The following POLB variants were observed in gnomAD, a reference collection of about 807,000 sequenced individuals.
The protein encoded by POLB is 5'-dRP lyase.
A neutral mutation model predicts 52.7 loss-of-function variants in POLB; 37 were observed. That is an observed-to-expected ratio of 0.70 (90% CI 0.54 to 0.92). The LOEUF is 0.92. Among genes scored for constraint, POLB ranks in the 40% least tolerant of loss-of-function variants. POLB has a pLI of 0.00. For missense variants in POLB, 313 were observed against 400.8 expected, an observed-to-expected ratio of 0.78 and a Z score of 1.87; for synonymous variants, 138 against 131.3, an observed-to-expected ratio of 1.05 and a Z score of -0.35.
At chr8:42,353,480 A>C (rs1386548020) in intron 6 of POLB, among the ~76,000 whole-genome samples, 3 of 152,188 alleles carry the variant, frequency 2.0e-5, no homozygotes, top group African/African-American at 7.2e-5. Context: ...TTACTGAAAA[A>C]GATTCTGTAA....
intron 4 of POLB, 38 bp from the exon 5 acceptor site, chr8:42,349,969 A>C (rs1264312591): frequency 8.0e-6 from 11 of 1,368,848 alleles, no homozygotes; most frequent in Non-Finnish European, 1.1e-5. Flanking sequence ...TCCTCAAAGC[A>C]TTCCTAAATC....
At chr8:42,360,811 T>A (rs1823628915) in intron 9 of POLB, among the ~76,000 whole-genome samples, 1 of 151,898 alleles carries the variant, frequency 6.6e-6, no homozygotes. Context: ...CTCAAACTCC[T>A]GGGCTCAGCG....
At chr8:42,349,133 C>A in intron 4 of POLB, 43 bp downstream of exon 4, 2 of 1,093,542 alleles carry the variant, frequency 1.8e-6, no homozygotes, top group South Asian at 1.3e-5. Context: ...TAGTATCTGC[C>A]TTTATGGCCA....
At chr8:42,368,389 C>A (rs1824171790) in intron 11 of POLB, among the ~76,000 whole-genome samples, 1 of 152,126 alleles carries the variant, frequency 6.6e-6, no homozygotes, top group Non-Finnish European at 1.5e-5. Context: ...TTTAATTTTT[C>A]TATTTTGCTG....
chr8:42,357,293 A>C (rs1823377452), intron 8 of POLB, 27 bp from the exon 9 acceptor site: 5 of 1,443,600 alleles, frequency 3.5e-6, no homozygotes, highest in Non-Finnish European at 4.9e-6. Context: ...CATTTTGGGA[A>C]TACTGACTTA....
intron 4 of POLB, among the ~76,000 whole-genome samples, 195 bp from the exon 5 acceptor site, chr8:42,349,812 A>C (rs963151163): frequency 3.3e-5 from 5 of 152,224 alleles, no homozygotes; most frequent in Admixed American, 6.5e-5. Context: ...TGGATAACTT[A>C]GAGATGAGAC....
At chr8:42,350,434 G>A (rs921263236) in intron 5 of POLB, among the ~76,000 whole-genome samples, 6 of 152,004 alleles carry the variant, frequency 3.9e-5, no homozygotes, top group African/African-American at 1.5e-4. Context: ...TTTGGAACAA[G>A]CCCTCAAGCT....
intron 5 of POLB, among the ~76,000 whole-genome samples, chr8:42,351,599 T>G (rs1822982394): frequency 6.6e-6 from 1 of 152,242 alleles, no homozygotes; most frequent in Non-Finnish European, 1.5e-5. Flanking sequence ...TAGGTTTCAG[T>G]GTCCTTCCTT....
At chr8:42,370,122 G>T (rs781361244) in intron 13 of POLB, 134 bp downstream of exon 13, 39 of 743,796 alleles carry the variant, frequency 5.2e-5, no homozygotes, top group East Asian at 4.3e-4. Context: ...AGTCCTTCAG[G>T]CAACGAGAGA....
intron 9 of POLB, 35 bp downstream of exon 9, chr8:42,357,427 C>T: frequency 8.4e-7 from 1 of 1,193,492 alleles, no homozygotes; most frequent in Non-Finnish European, 1.2e-6. Flanking sequence ...TATTTTTGCC[C>T]TGATGTTAAA....
At chr8:42,361,617 T>C (rs1254827360) in intron 10 of POLB, 9 of 418,208 alleles carry the variant, frequency 2.2e-5, no homozygotes, top group Admixed American at 4.1e-5. Flanking sequence ...TTTAGAACGA[T>C]TTACTGTCTG....
intron 2 of POLB, chr8:42,342,252 A>G (rs1822248542): frequency 1.3e-6 from 2 of 1,546,160 alleles, no homozygotes; most frequent in Admixed American, 1.7e-5. Flanking sequence ...ACATTGTATT[A>G]TCGCCAGTCA....
rs938290972 is a variant in POLB, at chr8:42,353,332, C to T, written c.370+764C>T. 3.3e-5 allele frequency among the ~76,000 whole-genome samples: 5 copies of T among 151,792 alleles called. No individual in the cohort carries two copies. In the South Asian group the frequency reaches 8.3e-4, roughly 25 times the overall value. On this transcript the variant is annotated intron_variant, in intron 6 of 13. Transcript: ENST00000265421. The stretch of plus-strand genomic sequence containing the variant: ...TTCACTGTGTTAGCCAGGATGGTCT[C>T]GGTCTGACCTTGTGATCTGCCCACC...
chr8:42,359,033 C>T (rs930235828), intron 9 of POLB, among the ~76,000 whole-genome samples: 9 of 152,130 alleles, frequency 5.9e-5, no homozygotes, highest in African/African-American at 2.2e-4. Context: ...TTATTTATTT[C>T]TATTTTAATT....
In POLB at chr8:42,344,967, T is replaced by C; in HGVS notation, c.134T>C (p.Val45Ala). The C allele has an allele frequency of 6.2e-7, 1 of 1,604,008 alleles. No homozygotes were observed. The highest frequency in any genetic ancestry group is 8.5e-7 in the Non-Finnish European group (1 of 1,170,856). ...TTTCCTTATAGAAAAGCAGCATCTG[T>C]TATAGCAAAATACCCACACAAAATA... ...KYNAYRKAASVIAKYPHKIKS... is the reference protein window; with the variant it reads ...KYNAYRKAASAIAKYPHKIKS... Residue 45 changes from valine (V) to alanine (A), a missense_variant, in exon 3 of 14, where the codon GTT becomes GCT. By Grantham distance (64) the Val-to-Ala change is moderately conservative (BLOSUM62 0). Coordinates refer to ENST00000265421, the MANE Select transcript of POLB (RefSeq NM_002690.3).
At chr8:42,345,730 G>A (rs1822570221) in intron 3 of POLB, among the ~76,000 whole-genome samples, 1 of 152,034 alleles carries the variant, frequency 6.6e-6, no homozygotes, top group Non-Finnish European at 1.5e-5. Context: ...TCAGATTTTG[G>A]ACATTCTGGA....
intron 3 of POLB, among the ~76,000 whole-genome samples, chr8:42,348,295 C>G (rs774881566): frequency 1.1e-4 from 16 of 152,198 alleles, no homozygotes; most frequent in African/African-American, 2.7e-4. Flanking sequence ...TCTCCCAAAA[C>G]TTAGATTCTA....
In POLB at chr8:42,355,666, C is replaced by T. The variant is rs145822844; in HGVS notation, c.422+99C>T. 5.8e-6 allele frequency: 4 copies of T among 692,194 alleles called. No individual in the cohort carries two copies. In the East Asian group the frequency reaches 8.0e-5, roughly 14 times the overall value. The allele number at this position is 692,194 out of a possible 1,614,324, so 42.9% of individuals were successfully genotyped here. On this transcript the variant is annotated intron_variant, in intron 7 of 13. Coordinates refer to ENST00000265421, the MANE Select transcript of POLB (RefSeq NM_002690.3). Reference sequence around the variant, plus strand: ...GAAGGACTCTTCAAACTTAGCTAAACCACAACCATTTTCCTATTCAGAAGT... The same window carrying T: ...GAAGGACTCTTCAAACTTAGCTAAATCACAACCATTTTCCTATTCAGAAGT...
intron 9 of POLB, chr8:42,361,037 A>G (rs951341131): frequency 8.2e-6 from 5 of 612,156 alleles, no homozygotes; most frequent in Non-Finnish European, 1.5e-5. Flanking sequence ...TTTTTAATAC[A>G]TTAAATTAAC....
Sources: allele counts gnomAD v4.1 joint callset (sites outside exome capture counted in the v4.1 genomes callset), GRCh38; gene constraint gnomAD v4.1.1; transcripts MANE v1.5; gene names NCBI Gene and HGNC (gene_info 2026-07-23, HGNC 2026-07-21).